TCF4: variants seen among roughly 807,000 people sequenced by gnomAD.
TCF4 encodes the protein SL3-3 enhancer factor 2.
Under a neutral mutation model 82.1 loss-of-function variants are expected in TCF4, and 3 were observed. That is an observed-to-expected ratio of 0.04 (90% CI 0.02 to 0.09). The LOEUF (loss-of-function observed/expected upper bound fraction) is 0.09. Among genes scored for constraint, TCF4 ranks in the 10% least tolerant of loss-of-function variants. The pLI is 1.00. For synonymous variants in TCF4, 276 were observed against 309.6 expected (o/e 0.89, Z 1.14); for missense variants, 518 against 852.7 (o/e 0.61, Z 4.89).
chr18:55,565,189 A>G (rs2097393223), intron 3 of TCF4, among the ~76,000 whole-genome samples: 1 of 152,172 alleles, frequency 6.6e-6, no homozygotes, highest in African/African-American at 2.4e-5. Context: ...TCATTGGAAT[A>G]AATGGTGACA....
intron 5 of TCF4, among the ~76,000 whole-genome samples, chr18:55,446,296 A>G (rs1390597922): frequency 6.6e-6 from 1 of 152,162 alleles, no homozygotes; most frequent in Non-Finnish European, 1.5e-5. Context: ...TCACACAGGC[A>G]ACCTCCTGCC....
At chr18:55,454,845 C>T (rs867477140) in intron 5 of TCF4, among the ~76,000 whole-genome samples, 4 of 152,094 alleles carry the variant, frequency 2.6e-5, no homozygotes, top group South Asian at 2.1e-4. Context: ...GATGTGAAAA[C>T]GACCTGACCA....
At position 55,228,169 on chromosome 18, in the gene TCF4, C is replaced by T. The variant is rs1216178433; in HGVS notation, c.*4+52G>A. The T allele has an allele frequency of 8.7e-6, 14 of 1,611,068 alleles. No homozygotes were observed. The East Asian group carries it at 2.5e-4, about 28-fold the overall frequency. On this transcript the variant is annotated intron_variant, in intron 19 of 19. Coordinates refer to ENST00000354452, the MANE Select transcript of TCF4 (RefSeq NM_001083962.2). ...GAAATTCACTTTTATGGCTGATACA[C>T]TGATGAGAGTTTTGAATGATCGATC... is the stretch of plus-strand genomic sequence containing the variant.
At chr18:55,427,926 A>C (rs2095053198) in intron 5 of TCF4, among the ~76,000 whole-genome samples, 2 of 152,212 alleles carry the variant, frequency 1.3e-5, no homozygotes, top group South Asian at 4.1e-4. Flanking sequence ...ATTTTGCATG[A>C]CCTCTGTCTT....
intron 3 of TCF4, among the ~76,000 whole-genome samples, chr18:55,541,749 T>G (rs1022481666): frequency 6.6e-6 from 1 of 152,030 alleles, no homozygotes; most frequent in East Asian, 1.9e-4. Context: ...AGATGGATCA[T>G]AACACATTCA....
chr18:55,257,491 G>T, intron 13 of TCF4, 100 bp from the exon 14 acceptor site: 1 of 1,148,492 alleles, frequency 8.7e-7, no homozygotes, highest in Non-Finnish European at 1.3e-6. Flanking sequence ...TGGCAATGAT[G>T]ATTTTCATTT....
chr18:55,347,224 A>G (rs1360934690), intron 8 of TCF4, among the ~76,000 whole-genome samples: 1 of 152,152 alleles, frequency 6.6e-6, no homozygotes, highest in African/African-American at 2.4e-5. Context: ...AGAAATTGGG[A>G]CGTGACTAAA....
intron 3 of TCF4, among the ~76,000 whole-genome samples, chr18:55,568,197 G>T (rs547378882): frequency 1.4e-5 from 2 of 146,902 alleles, no homozygotes; most frequent in East Asian, 3.9e-4. Context: ...ATAAGCCTAA[G>T]TACATAGAAA....
chr18:55,439,498 T>C (rs1047735409), intron 5 of TCF4, among the ~76,000 whole-genome samples: 2 of 152,108 alleles, frequency 1.3e-5, no homozygotes, highest in Non-Finnish European at 2.9e-5. Context: ...CCTCAGAAAG[T>C]ATCTAGCTTT....
intron 3 of TCF4, among the ~76,000 whole-genome samples, chr18:55,502,865 T>C (rs1430563138): frequency 6.6e-6 from 1 of 152,200 alleles, no homozygotes; most frequent in Non-Finnish European, 1.5e-5. Context: ...GCAGGATATG[T>C]AAAATGAATA....
At chr18:55,344,908 C>A (rs2144572340) in intron 8 of TCF4, among the ~76,000 whole-genome samples, 1 of 152,238 alleles carries the variant, frequency 6.6e-6, no homozygotes, top group Middle Eastern at 3.4e-3. Context: ...CCACAGTTAA[C>A]CTTCATGCTT....
chr18:55,450,679 A>AT (rs2095606789), intron 5 of TCF4, among the ~76,000 whole-genome samples: 1 of 152,246 alleles, frequency 6.6e-6, no homozygotes, highest in African/African-American at 2.4e-5. Flanking sequence ...CAGAGGCAAC[A>AT]TTCTATACCA....
At chr18:55,631,178 T>C in intron 2 of TCF4, 1 of 419,606 alleles carries the variant, frequency 2.4e-6, no homozygotes, top group South Asian at 3.0e-5. Flanking sequence ...GCCTCTTGAG[T>C]AGTTGGGACT....
chr18:55,246,889 A>G (rs1027749163), intron 15 of TCF4, among the ~76,000 whole-genome samples: 10 of 152,220 alleles, frequency 6.6e-5, no homozygotes, highest in Non-Finnish European at 1.2e-4. Context: ...TAGCTATTGA[A>G]AGATGATGTT....
chr18:55,402,146 C>T (rs2093858237), intron 6 of TCF4: 1 of 985,356 alleles, frequency 1.0e-6, no homozygotes, highest in Non-Finnish European at 1.2e-6. Flanking sequence ...TGCACTCCGG[C>T]AGGAGCTCTT....
chr18:55,329,812 G>T (rs2077199807), intron 8 of TCF4, among the ~76,000 whole-genome samples: 1 of 152,154 alleles, frequency 6.6e-6, no homozygotes, highest in Admixed American at 6.5e-5. Flanking sequence ...TTTGACAGGG[G>T]TATTTGTTTT....
chr18:55,514,623 C>T (rs534293344), intron 3 of TCF4, among the ~76,000 whole-genome samples: 6 of 152,250 alleles, frequency 3.9e-5, no homozygotes, highest in African/African-American at 1.2e-4. Context: ...TTTGTTCTTA[C>T]AGGTTCATCA....
chr18:55,548,767 T>A (rs986415589), intron 3 of TCF4, among the ~76,000 whole-genome samples: 1 of 152,236 alleles, frequency 6.6e-6, no homozygotes, highest in African/African-American at 2.4e-5. Flanking sequence ...CAATGGTATT[T>A]GTGTATCTGA....
At chr18:55,293,931 C>CT (rs781150808) in intron 8 of TCF4, among the ~76,000 whole-genome samples, 6,325 of 39,640 alleles carry the variant, frequency 0.16, 2,177 homozygotes, top group East Asian at 0.46. Context: ...TTTCCAAGGA[C>CT]TTTTTTTTTT....
Sources: gnomAD v4.1 joint callset for allele counts (sites outside exome capture counted in the v4.1 genomes callset) on GRCh38, gnomAD v4.1.1 for gene constraint, MANE v1.5 for transcripts, NCBI Gene and HGNC (gene_info 2026-07-23, HGNC 2026-07-21) for gene names.